The following ACOT7 variants were observed in gnomAD, a reference collection of about 807,000 sequenced individuals.
The protein encoded by ACOT7 is acyl-CoA thioesterase 7, also known as cytosolic acyl coenzyme A thioester hydrolase.
In ACOT7, 12 loss-of-function variants were observed where a neutral mutation model predicts 40.2. That is an observed-to-expected ratio of 0.30 (90% CI 0.19 to 0.48). ACOT7 has a LOEUF of 0.48. Among genes scored for constraint, ACOT7 ranks in the 20% least tolerant of loss-of-function variants. The pLI is 0.99. For synonymous variants in ACOT7, 228 were observed against 219.5 expected (o/e 1.04, Z -0.34); for missense variants, 395 against 530.8 (o/e 0.74, Z 2.51).
intron 1 of ACOT7, among the ~76,000 whole-genome samples, chr1:6,362,712 A>G (rs1274394401): frequency 6.6e-6 from 1 of 152,122 alleles, no homozygotes; most frequent in African/African-American, 2.4e-5. Flanking sequence ...AGAAACTTAC[A>G]TCCAGGCTCC....
chr1:6,297,628 C>G (rs1299729853), intron 6 of ACOT7, among the ~76,000 whole-genome samples: 2 of 152,146 alleles, frequency 1.3e-5, no homozygotes, highest in African/African-American at 2.4e-5. Context: ...ACTCTACCAA[C>G]TAGAGAAAAA....
chr1:6,313,522 T>C (rs1020045015), intron 6 of ACOT7, among the ~76,000 whole-genome samples: 4 of 152,182 alleles, frequency 2.6e-5, no homozygotes, highest in Admixed American at 6.5e-5. Context: ...ACAGAGACTA[T>C]CTCTTCCTTC....
chr1:6,346,115 T>G (rs1327301019), intron 2 of ACOT7, among the ~76,000 whole-genome samples: 1 of 152,180 alleles, frequency 6.6e-6, no homozygotes, highest in Non-Finnish European at 1.5e-5. Flanking sequence ...GTTTTGTTTT[T>G]GTAGAAACAG....
chr1:6,332,024 G>A (rs1358512764), intron 4 of ACOT7, among the ~76,000 whole-genome samples: 2 of 152,238 alleles, frequency 1.3e-5, no homozygotes, highest in Admixed American at 6.5e-5. Context: ...TCCTACAGGC[G>A]GGAAGTGGCC....
intron 8 of ACOT7, among the ~76,000 whole-genome samples, chr1:6,269,371 G>A (rs1023564463): frequency 1.3e-5 from 2 of 152,206 alleles, no homozygotes; most frequent in African/African-American, 2.4e-5. Flanking sequence ...GCACAGCCTA[G>A]GAGCACTTGC....
intron 1 of ACOT7, among the ~76,000 whole-genome samples, chr1:6,377,333 C>T (rs913862827): frequency 4.0e-5 from 6 of 151,864 alleles, no homozygotes; most frequent in Admixed American, 3.3e-4. Flanking sequence ...CCCAAGAGTT[C>T]GAGACCAGCC....
chr1:6,287,304 C>T (rs977301955), intron 7 of ACOT7, among the ~76,000 whole-genome samples: 3 of 152,230 alleles, frequency 2.0e-5, no homozygotes, highest in Middle Eastern at 3.2e-3. Flanking sequence ...AGCATGGGCT[C>T]AGAGCTCTGG....
Position 6,294,560 on chromosome 1 carries a change from G to A in ACOT7, c.829+304C>T, listed in dbSNP as rs1454398263. On this transcript the variant is annotated intron_variant, in intron 7 of 8. Coordinates refer to ENST00000361521, the MANE Select transcript of ACOT7 (RefSeq NM_007274.4). The surrounding 1 kb of genome is among the most constrained non-coding windows in gnomAD (Gnocchi z 4.6). ...ATGAGGTTTGGTGTCCAGGGTCGTG[G>A]CAGCTGCAGGCACAGGACCTTCCCA... 1.3e-5 allele frequency among the ~76,000 whole-genome samples: 2 copies of A among 152,230 alleles called. No individual in the cohort carries two copies. Among genetic ancestry groups the A allele is most frequent in the African/African-American group, 4.8e-5 (2 of 41,452 alleles).
Position 6,328,862 on chromosome 1 carries a change from T to TCGGGGCCTGTGTGCTGGC in ACOT7, c.511-1467_511-1450dup, listed in dbSNP as rs370713480. ...TCGGATGGGACCCTCGGAGGGGCCCTCGGGGCCTGTGTGCTGGCCGCAGGC... is the reference window on the plus strand; with the variant it reads ...TCGGATGGGACCCTCGGAGGGGCCCTCGGGGCCTGTGTGCTGGCCGGGGCCTGTGTGCTGGCCGCAGGC... On this transcript the variant is annotated intron_variant, in intron 4 of 8. Transcript: ENST00000361521. Among the ~76,000 whole-genome samples, 1,490 of 152,278 alleles carry TCGGGGCCTGTGTGCTGGC rather than the reference T, an allele frequency of 9.8e-3. 10 individuals are homozygous for TCGGGGCCTGTGTGCTGGC. Among genetic ancestry groups the TCGGGGCCTGTGTGCTGGC allele is most frequent in the Middle Eastern group, 0.041 (12 of 294 alleles).
intron 6 of ACOT7, among the ~76,000 whole-genome samples, chr1:6,313,102 T>C (rs1233689548): frequency 2.0e-5 from 3 of 152,188 alleles, no homozygotes; most frequent in Non-Finnish European, 4.4e-5. Context: ...TGGCTCTCAA[T>C]GTGAGTGCAC....
intron 8 of ACOT7, among the ~76,000 whole-genome samples, chr1:6,273,742 C>T (rs1448355382): frequency 1.3e-5 from 2 of 152,268 alleles, no homozygotes; most frequent in Non-Finnish European, 2.9e-5. Context: ...AGCCCGCACA[C>T]GGGCGCAGCG....
At chr1:6,271,495 G>A (rs1214126643) in intron 8 of ACOT7, among the ~76,000 whole-genome samples, 1 of 152,202 alleles carries the variant, frequency 6.6e-6, no homozygotes, top group Non-Finnish European at 1.5e-5. Context: ...GGGGCCTTGT[G>A]CATGGAGAAG....
intron 6 of ACOT7, among the ~76,000 whole-genome samples, chr1:6,295,671 A>C (rs1161316777): frequency 6.6e-6 from 1 of 152,214 alleles, no homozygotes; most frequent in African/African-American, 2.4e-5. Flanking sequence ...GCCAGACACC[A>C]AAGACCACAC....
At position 6,378,899 on chromosome 1, in the gene ACOT7, C is replaced by CT. The variant is rs544506149; in HGVS notation, c.143+14357dup. 2.8e-3 allele frequency among the ~76,000 whole-genome samples: 416 copies of CT among 149,310 alleles called. 3 individuals are homozygous for CT. In the Middle Eastern group the frequency reaches 0.028, roughly 10 times the overall value. On this transcript the variant is annotated intron_variant, in intron 1 of 8. Transcript: ENST00000361521. The stretch of plus-strand genomic sequence containing the variant: ...TCCTAGTTTTATTATTGCTCAAGGA[C>CT]TTTTTTTTTTCTTTGAGACGGAGTC...
In ACOT7 at chr1:6,387,044, G is replaced by T. The variant is rs986717454; in HGVS notation, c.143+6213C>A. On this transcript the variant is annotated intron_variant, in intron 1 of 8. Transcript: ENST00000361521. ...TGGTGAAGAGAAACTGCAGTGTGCA[G>T]GGAACAGGGTAATACAGGGCTACGG... Among the ~76,000 whole-genome samples the T allele has an allele frequency of 4.6e-5, 7 of 152,256 alleles. 1 individual carries two copies. Among genetic ancestry groups the T allele is most frequent in the African/African-American group, 1.7e-4 (7 of 41,552 alleles).
chr1:6,274,490 C>T lies in ACOT7; in HGVS notation c.1014+6612G>A, dbSNP rs1639131975. Among the ~76,000 whole-genome samples, 1 of 152,234 alleles carries T rather than the reference C, an allele frequency of 6.6e-6. No individual in the cohort carries two copies. Among genetic ancestry groups the T allele is most frequent in the African/African-American group, 2.4e-5 (1 of 41,470 alleles). ...GCTCCAGCCCATGCCACGCTGTCCT[C>T]TCGGCTGGCGCGGGGCTTACCCGGC... On this transcript the variant is annotated intron_variant, in intron 8 of 8. Coordinates refer to ENST00000361521, the MANE Select transcript of ACOT7 (RefSeq NM_007274.4). This position sits in a 1 kb window ranked among gnomAD's most constrained non-coding sequence, Gnocchi z 5.9.
At chr1:6,354,979 C>G (rs141268884) in intron 1 of ACOT7, among the ~76,000 whole-genome samples, 3 of 151,992 alleles carry the variant, frequency 2.0e-5, no homozygotes, top group Non-Finnish European at 4.4e-5. Flanking sequence ...CCTTTCCCAT[C>G]TACAGAATAA....
intron 5 of ACOT7, among the ~76,000 whole-genome samples, chr1:6,325,502 T>C (rs1413370765): frequency 6.6e-6 from 1 of 152,146 alleles, no homozygotes; most frequent in African/African-American, 2.4e-5. Flanking sequence ...CTTTTTTTGG[T>C]GTTTGTTAAA....
chr1:6,333,604 G>C, intron 3 of ACOT7, 36 bp from the exon 4 acceptor site: 1 of 1,608,530 alleles, frequency 6.2e-7, no homozygotes, highest in South Asian at 1.1e-5. Context: ...TGACGCCCGG[G>C]AGACGGGGTG....
Sources: gnomAD v4.1 joint callset for allele counts (sites outside exome capture counted in the v4.1 genomes callset) on GRCh38, gnomAD v4.1.1 for gene constraint, Gnocchi (gnomAD v3.1) non-coding constraint, MANE v1.5 for transcripts, NCBI Gene and HGNC (gene_info 2026-07-23, HGNC 2026-07-21) for gene names.